Variants in SLC5A5 observed in about 807,000 individuals in gnomAD.
SLC5A5 encodes the protein sodium/iodide cotransporter.
A neutral mutation model predicts 68.6 loss-of-function variants in SLC5A5; 56 were observed. The ratio of observed to expected loss-of-function variants is 0.82; its 90% CI spans 0.66 to 1.02. The LOEUF (loss-of-function observed/expected upper bound fraction) is 1.02. SLC5A5 is among the 50% of genes least tolerant of loss of function. SLC5A5 has a pLI of 0.00. For synonymous variants in SLC5A5, 398 were observed against 373.0 expected (o/e 1.07, Z -0.77); for missense variants, 807 against 859.8 (o/e 0.94, Z 0.77).
chr19:17,883,336 G>GCAA lies in SLC5A5; in HGVS notation c.1243-344_1243-343insAAC, dbSNP rs149328775. On this transcript the variant is annotated intron_variant, in intron 10 of 14. Transcript: ENST00000222248. ...GAAGGGGGAGGTGGCGACAGAAAGG[G>GCAA]CCTCCCTATGGAGGTTGCAGTGAGC... 3.4e-4 allele frequency among the ~76,000 whole-genome samples: 51 copies of GCAA among 151,768 alleles called. 1 individual carries two copies. In the East Asian group the frequency reaches 9.1e-3, roughly 27 times the overall value.
chr19:17,881,898 C>A, intron 8 of SLC5A5, 62 bp from the exon 9 acceptor site: 3 of 1,320,374 alleles, frequency 2.3e-6, no homozygotes, highest in Non-Finnish European at 3.3e-6. Flanking sequence ...GTCTGGCAGG[C>A]CAGATGGTGT....
rs753399810 is a variant in SLC5A5, at chr19:17,883,785, AAGGGGCGGGG to A, written c.1329+29_1329+38del. 3.3e-6 allele frequency: 4 copies of A among 1,206,286 alleles called. No homozygotes were observed. The highest frequency in any genetic ancestry group is 3.1e-5 in the East Asian group (1 of 32,760). 74.7% of individuals were successfully genotyped at this position (1,206,286 alleles called of 1,614,324 possible). A position where few individuals can be genotyped will look rare whatever the true frequency, so the allele number is the denominator to read the frequency against. The stretch of plus-strand genomic sequence containing the variant: ...ACACACCGGTGAGTGGGGGCGGGGC[AAGGGGCGGGG>A]AGGGGCGGGGCCGGACAGGCCCCTC... On this transcript the variant is annotated intron_variant, in intron 11 of 14. Transcript: ENST00000222248.
chr19:17,876,993 T>G (rs1041554670), intron 5 of SLC5A5, among the ~76,000 whole-genome samples: 5 of 151,512 alleles, frequency 3.3e-5, no homozygotes, highest in Admixed American at 6.6e-5. Context: ...ATCACACCAT[T>G]GCACTCCAGC....
Position 17,872,523 on chromosome 19 carries a change from G to A in SLC5A5, c.204G>A (p.Met68Ile). Residue 68 changes from methionine to isoleucine, a missense_variant, in exon 1 of 15, where the codon ATG (methionine) becomes ATA (isoleucine). Coordinates refer to ENST00000222248, the MANE Select transcript of SLC5A5 (RefSeq NM_000453.3). ...GCCTGTCGCTGTCTGCCAGCTTCAT[G>A]TCGGCCGTGCAGGTGCTGGGCGTGC... The part of the protein sequence containing the change: ...PVGLSLSASF[M>I]SAVQVLGVPS... 1 of 1,612,760 alleles carries A rather than the reference G, an allele frequency of 6.2e-7. No homozygotes were observed. The highest frequency in any genetic ancestry group is 8.5e-7 in the Non-Finnish European group (1 of 1,179,904).
rs2030354923 is a variant in SLC5A5, at chr19:17,895,000, G to A, written c.*1123G>A. On this transcript the variant is annotated 3_prime_UTR_variant, in exon 15 of 15. Transcript: ENST00000222248. The stretch of plus-strand genomic sequence containing the variant: ...AGACAGAGGCAGTGGTTGGATCAAT[G>A]CATCTACGAGTCGGAGAACCCAAGG... The A allele has an allele frequency of 6.6e-6, 1 of 152,210 alleles. No individual in the cohort carries two copies. The highest frequency in any genetic ancestry group is 1.9e-4 in the East Asian group (1 of 5,170). The allele number at this position is 152,210 out of a possible 1,614,324, so 9.4% of individuals were successfully genotyped here.
chr19:17,888,118 C>G (rs1452903383), intron 12 of SLC5A5, among the ~76,000 whole-genome samples: 1 of 151,948 alleles, frequency 6.6e-6, no homozygotes, highest in African/African-American at 2.4e-5. Flanking sequence ...AGTAATGTGC[C>G]CTTTGGCTGT....
Position 17,876,011 on chromosome 19 carries a change from C to T in SLC5A5, c.603C>T (p.Gly201=), listed in dbSNP as rs1428882469. 6.2e-7 allele frequency: 1 copy of T among 1,614,180 alleles called. No homozygotes were observed. The highest frequency in any genetic ancestry group is 8.5e-7 in the Non-Finnish European group (1 of 1,180,024). Residue 201 remains glycine (G), a synonymous_variant, in exon 5 of 15, where the codon GGC becomes GGT. Coordinates refer to ENST00000222248, the MANE Select transcript of SLC5A5 (RefSeq NM_000453.3). ...TCCAGGTCGTGGTGATGCTAAGTGG[C>T]TTCTGGGTTGTCCTGGCACGCGGTG... ...DVFQVVVMLS[G]FWVVLARGVM...
rs879859154 is a variant in SLC5A5 at position 17,884,356 on chromosome 19, GGT to G, written c.1526+312_1526+313del. On this transcript the variant is annotated intron_variant, in intron 12 of 14. Coordinates refer to ENST00000222248, the MANE Select transcript of SLC5A5 (RefSeq NM_000453.3). ...TCTGTGGTCCAGGCTGGAATGCAGG[GGT>G]GCAATCTCAGCTTACTGCAGCTTCA... Among the ~76,000 whole-genome samples, 485 of 151,724 alleles carry G rather than the reference GGT, an allele frequency of 3.2e-3. 4 individuals carry two copies. The highest frequency in any genetic ancestry group is 0.011 in the African/African-American group (443 of 41,104).
chr19:17,875,173 C>A (rs940433416), intron 4 of SLC5A5, among the ~76,000 whole-genome samples: 3 of 152,114 alleles, frequency 2.0e-5, no homozygotes, highest in Admixed American at 2.0e-4. Flanking sequence ...AGTTCGAGAC[C>A]AGCCTGGCCA....
In SLC5A5 at chr19:17,883,886, T is replaced by C; in HGVS notation, c.1366T>C (p.Ser456Pro). 6.3e-7 allele frequency: 1 copy of C among 1,577,600 alleles called. No individual in the cohort carries two copies. The highest frequency in any genetic ancestry group is 8.6e-7 in the Non-Finnish European group (1 of 1,163,224). Residue 456 changes from serine to proline, a missense_variant, in exon 12 of 15, where the codon TCG (serine) becomes CCG (proline). Coordinates refer to ENST00000222248, the MANE Select transcript of SLC5A5 (RefSeq NM_000453.3). ...LAGLGAGLAL[S>P]LWVALGATLY... is the part of the protein sequence containing the mutation. ...GGGACTAGGCGCGGGCTTGGCGCTG[T>C]CGCTGTGGGTGGCCTTGGGCGCCAC...
chr19:17,883,809 G>C (rs895588807), intron 11 of SLC5A5, 41 bp from the exon 12 acceptor site: 5 of 1,606,666 alleles, frequency 3.1e-6, no homozygotes, highest in Non-Finnish European at 4.2e-6. Flanking sequence ...GGCGGGGCCG[G>C]ACAGGCCCCT....
Position 17,880,964 on chromosome 19 carries a change from C to A in SLC5A5, c.1058+11C>A. On this transcript the variant is annotated intron_variant, in intron 8 of 14. Transcript: ENST00000222248. ...CAGTGGCACCCTCAGGTGAGCACCCCTGCTTGTTCATGGAGCATTATTTCA... is the reference window on the plus strand; with the variant it reads ...CAGTGGCACCCTCAGGTGAGCACCCATGCTTGTTCATGGAGCATTATTTCA... 6.2e-7 allele frequency: 1 copy of A among 1,603,484 alleles called. No individual in the cohort carries two copies.
chr19:17,894,685 T>C lies in SLC5A5; in HGVS notation c.*808T>C, dbSNP rs1469766061. On this transcript the variant is annotated 3_prime_UTR_variant, in exon 15 of 15. Transcript: ENST00000222248. ...GGGAGGGGATGATTCAGACCCCACATGGCCTCCAACCTTGGCCCACACACC... is the reference window on the plus strand; with the variant it reads ...GGGAGGGGATGATTCAGACCCCACACGGCCTCCAACCTTGGCCCACACACC... 1 of 152,228 alleles carries C rather than the reference T, an allele frequency of 6.6e-6. No individual in the cohort carries two copies. The highest frequency in any genetic ancestry group is 2.4e-5 in the African/African-American group (1 of 41,414). The allele number at this position is 152,228 out of a possible 1,614,324, so 9.4% of individuals were successfully genotyped here.
chr19:17,872,825 T>A, intron 1 of SLC5A5, 149 bp downstream of exon 1: 2 of 636,662 alleles, frequency 3.1e-6, no homozygotes, highest in Non-Finnish European at 5.6e-6. Flanking sequence ...GGCAGACACG[T>A]GGGGAGGGTT....
Position 17,872,555 on chromosome 19 carries a change from A to G in SLC5A5, c.236A>G (p.Glu79Gly). The change falls in exon 1 of 15, where the codon GAG (glutamate) becomes GGG (glycine). Residue 79 changes from glutamate to glycine, a missense_variant. Physicochemically the swap from Glu to Gly is moderately conservative, Grantham distance 98. Transcript: ENST00000222248. ...GTGCAGGTGCTGGGCGTGCCGTCGG[A>G]GGCCTATCGCTATGGCCTCAAGTTC... ...SAVQVLGVPS[E>G]AYRYGLKFLW... 6.2e-7 allele frequency: 1 copy of G among 1,612,702 alleles called. No homozygotes were observed. The highest frequency in any genetic ancestry group is 8.5e-7 in the Non-Finnish European group (1 of 1,179,838).
intron 1 of SLC5A5, 77 bp downstream of exon 1, chr19:17,872,753 T>C: frequency 1.0e-6 from 1 of 952,952 alleles, no homozygotes; most frequent in African/African-American, 1.6e-5. Context: ...GCGCTGGGGC[T>C]TTGGGCCGCT....
In SLC5A5 at chr19:17,888,421, T is replaced by C. The variant is rs779036137; in HGVS notation, c.1617T>C (p.Thr539=). 6.2e-7 allele frequency: 1 copy of C among 1,613,858 alleles called. No individual in the cohort carries two copies. Among genetic ancestry groups the C allele is most frequent in the Non-Finnish European group, 8.5e-7 (1 of 1,179,974 alleles). The part of the protein sequence containing the change: ...LYYGALGTLT[T]VLCGALISCL... Reference sequence around the variant, plus strand: ...ACGGTGCCCTGGGCACGCTGACCACTGTGCTGTGCGGAGCCCTCATCAGCT... The same window carrying C: ...ACGGTGCCCTGGGCACGCTGACCACCGTGCTGTGCGGAGCCCTCATCAGCT... The change falls in exon 13 of 15, where the codon ACT becomes ACC. Residue 539 remains threonine (T), a synonymous_variant. Transcript: ENST00000222248.
chr19:17,880,732 A>G (rs1485007621), intron 7 of SLC5A5, 133 bp from the exon 8 acceptor site: 2 of 728,702 alleles, frequency 2.7e-6, no homozygotes, highest in Non-Finnish European at 5.0e-6. Context: ...ACAGACAAAA[A>G]CTAAATGCAT....
intron 14 of SLC5A5, among the ~76,000 whole-genome samples, chr19:17,891,288 C>A (rs8107545): frequency 0.028 from 4,202 of 152,264 alleles, 180 homozygotes; most frequent in African/African-American, 0.094. Flanking sequence ...TCACTGCAAC[C>A]TCCACATCCC....
Sources: allele counts gnomAD v4.1 joint callset (sites outside exome capture counted in the v4.1 genomes callset), GRCh38; gene constraint gnomAD v4.1.1; transcripts MANE v1.5; gene names NCBI Gene and HGNC (gene_info 2026-07-23, HGNC 2026-07-21).